The following GPR89A variants were observed in gnomAD, a reference collection of about 807,000 sequenced individuals.
The protein encoded by GPR89A is golgi pH regulator A.
In GPR89A, 16 loss-of-function variants were observed where a neutral mutation model predicts 52.0. That is an observed-to-expected ratio of 0.31 (90% confidence interval 0.21 to 0.47). GPR89A has a LOEUF of 0.47. GPR89A is among the 20% of genes least tolerant of loss of function. GPR89A has a pLI of 1.00. For missense variants in GPR89A, 135 were observed against 449.4 expected (o/e 0.30, Z 6.33); for synonymous variants, 55 against 150.9 (o/e 0.36, Z 4.66).
intron 9 of GPR89A, chr1:145,646,699 A>G (rs1282938790): frequency 1.3e-5 from 3 of 227,248 alleles, no homozygotes; most frequent in Non-Finnish European, 1.7e-5. Flanking sequence ...TAACTTTCCT[A>G]TGTACACCTA....
intron 1 of GPR89A, among the ~76,000 whole-genome samples, chr1:145,610,882 A>T (rs1648217066): frequency 6.6e-6 from 1 of 152,086 alleles, no homozygotes; most frequent in African/African-American, 2.4e-5. Flanking sequence ...TTCAACCCAG[A>T]AGTCACTTTT....
At chr1:145,614,639 A>T (rs1648533023) in intron 1 of GPR89A, among the ~76,000 whole-genome samples, 1 of 151,550 alleles carries the variant, frequency 6.6e-6, no homozygotes, top group African/African-American at 2.4e-5. Flanking sequence ...TAGAGCTTAT[A>T]ATCTAATGTC....
Position 145,669,607 on chromosome 1 carries a change from C to A in GPR89A, c.1096-18C>A. On this transcript the variant is annotated intron_variant, in intron 12 of 13. Transcript: ENST00000313835. Reference sequence around the variant, plus strand: ...ATCTAACACTACTGCATAAATTCATCTCCCTCTTTCTTGACAGTTCTTTTA... The same window carrying A: ...ATCTAACACTACTGCATAAATTCATATCCCTCTTTCTTGACAGTTCTTTTA... 2 of 1,610,670 alleles carry A rather than the reference C, an allele frequency of 1.2e-6. No individual in the cohort carries two copies. Among genetic ancestry groups the A allele is most frequent in the South Asian group, 2.2e-5 (2 of 90,976 alleles).
At chr1:145,620,288 A>G (rs1263154297) in intron 3 of GPR89A, among the ~76,000 whole-genome samples, 4 of 152,198 alleles carry the variant, frequency 2.6e-5, no homozygotes, top group African/African-American at 9.7e-5. Context: ...GTCATAGGCA[A>G]TATATAAACA....
At chr1:145,632,568 T>C (rs1169111573) in intron 7 of GPR89A, among the ~76,000 whole-genome samples, 1 of 152,236 alleles carries the variant, frequency 6.6e-6, no homozygotes, top group African/African-American at 2.4e-5. Flanking sequence ...TTGTCACAAA[T>C]GAAAGAATTT....
intron 1 of GPR89A, among the ~76,000 whole-genome samples, chr1:145,614,847 G>A (rs587732964): frequency 7.2e-5 from 11 of 152,168 alleles, no homozygotes; most frequent in Admixed American, 5.9e-4. Context: ...CACAGGTCTC[G>A]ATGTGAAAGA....
chr1:145,636,124 A>G (rs1317720049), intron 7 of GPR89A, among the ~76,000 whole-genome samples: 4 of 152,260 alleles, frequency 2.6e-5, no homozygotes, highest in African/African-American at 9.6e-5. Flanking sequence ...GTGGTCCGAC[A>G]GTAAGTTTTA....
intron 1 of GPR89A, among the ~76,000 whole-genome samples, chr1:145,615,233 C>G (rs1265459307): frequency 1.3e-5 from 2 of 152,158 alleles, no homozygotes; most frequent in Non-Finnish European, 2.9e-5. Context: ...GGTGGAGAAG[C>G]TAAGAAAACT....
At chr1:145,649,332 A>G (rs2318296) in intron 10 of GPR89A, among the ~76,000 whole-genome samples, 5 of 152,170 alleles carry the variant, frequency 3.3e-5, no homozygotes, top group African/African-American at 4.8e-5. Context: ...ACGACTGCCA[A>G]TCTGCCTTCT....
At chr1:145,667,729 A>ATTTTGTAT (rs1652672516) in intron 12 of GPR89A, among the ~76,000 whole-genome samples, 1 of 152,072 alleles carries the variant, frequency 6.6e-6, no homozygotes, top group Non-Finnish European at 1.5e-5. Flanking sequence ...TCTTTAATCC[A>ATTTTGTAT]TCTTGAATTA....
Position 145,629,412 on chromosome 1 carries a change from A to G in GPR89A, c.416-1275A>G, listed in dbSNP as rs150617003. 3.7e-3 allele frequency among the ~76,000 whole-genome samples: 564 copies of G among 152,326 alleles called. 3 individuals are homozygous for G. The highest frequency in any genetic ancestry group is 0.013 in the African/African-American group (537 of 41,574). On this transcript the variant is annotated intron_variant, in intron 5 of 13. Coordinates refer to ENST00000313835, the MANE Select transcript of GPR89A (RefSeq NM_001097612.2). ...ATGGCTAATAGCTATGTCTTTTATA[A>G]TAAGGACATTGGCAAAGGAGAAGGA...
At chr1:145,669,533 C>T in intron 12 of GPR89A, 92 bp from the exon 13 acceptor site, 1 of 1,149,602 alleles carries the variant, frequency 8.7e-7, no homozygotes, top group East Asian at 2.3e-5. Context: ...ATGGAAGAGA[C>T]ACTTTTAATC....
intron 3 of GPR89A, among the ~76,000 whole-genome samples, chr1:145,620,762 A>G (rs2101746589): frequency 6.6e-6 from 1 of 152,120 alleles, no homozygotes; most frequent in East Asian, 1.9e-4. Context: ...ACCTTTGAGC[A>G]GAGATCATAT....
intron 10 of GPR89A, among the ~76,000 whole-genome samples, chr1:145,657,245 T>G (rs1446418567): frequency 6.7e-6 from 1 of 148,246 alleles, no homozygotes; most frequent in African/African-American, 2.6e-5. Flanking sequence ...CAATAAAAAT[T>G]AACTGAGTGT....
intron 1 of GPR89A, among the ~76,000 whole-genome samples, chr1:145,608,870 A>G (rs1374671122): frequency 6.6e-6 from 1 of 150,756 alleles, no homozygotes; most frequent in African/African-American, 2.4e-5. Flanking sequence ...AAAACATGTA[A>G]GACACTGTCT....
intron 3 of GPR89A, among the ~76,000 whole-genome samples, chr1:145,622,223 T>C (rs1553688256): frequency 6.7e-6 from 1 of 149,984 alleles, no homozygotes; most frequent in African/African-American, 2.5e-5. Flanking sequence ...TATAATGGGA[T>C]GAATATTGTT....
chr1:145,646,025 A>T (rs782185849), intron 8 of GPR89A, 159 bp from the exon 9 acceptor site: 1 of 1,056,716 alleles, frequency 9.5e-7, no homozygotes, highest in Admixed American at 2.1e-5. Flanking sequence ...AGAGGTTGGG[A>T]AAGCTGCTCT....
chr1:145,608,121 C>G lies in GPR89A; in HGVS notation c.-13C>G, dbSNP rs782185374. On this transcript the variant is annotated 5_prime_UTR_variant, in exon 1 of 14. Transcript: ENST00000313835. ...GTGGGAAGTGGAGGCAGGAGCCTTC[C>G]TTACACTTCGCCATGAGTTTCCTCA... 6.2e-7 allele frequency: 1 copy of G among 1,613,708 alleles called. No homozygotes were observed. The highest frequency in any genetic ancestry group is 1.3e-5 in the African/African-American group (1 of 74,812).
intron 5 of GPR89A, among the ~76,000 whole-genome samples, chr1:145,625,339 G>GTT (rs1649422943): frequency 1.4e-4 from 1 of 7,148 alleles, no homozygotes; most frequent in African/African-American, 9.0e-4. Context: ...ATTATTTCAA[G>GTT]TTTCTTTTTT....
Sources: allele counts gnomAD v4.1 joint callset (sites outside exome capture counted in the v4.1 genomes callset), GRCh38; gene constraint gnomAD v4.1.1; transcripts MANE v1.5; gene names NCBI Gene and HGNC (gene_info 2026-07-23, HGNC 2026-07-21).